SNRK: variants seen among roughly 807,000 people sequenced by gnomAD.
SNRK encodes the protein SNF related kinase.
SNRK carries 3 observed loss-of-function variants against 48.2 expected under a neutral mutation model. The observed-to-expected ratio is 0.06, with a 90% CI of 0.03 to 0.16. The LOEUF (loss-of-function observed/expected upper bound fraction) is 0.16. Among genes scored for constraint, SNRK ranks in the 10% least tolerant of loss-of-function variants. The pLI is 1.00. For synonymous variants in SNRK, 376 were observed against 366.1 expected, an observed-to-expected ratio of 1.03 and a Z score of -0.31; for missense variants, 627 against 976.0, an observed-to-expected ratio of 0.64 and a Z score of 4.76.
At position 43,332,269 on chromosome 3, in the gene SNRK, C is replaced by T; in HGVS notation, c.690C>T (p.Cys230=). ...AAACACTGACAATGATCATGGATTG[C>T]AAATATACAGTACCATCCCATGTGT... The part of the protein sequence containing the change: ...DSETLTMIMD[C]KYTVPSHVSK... The change falls in exon 4 of 7, where the codon TGC becomes TGT. Residue 230 remains cysteine (C), a synonymous_variant. Coordinates refer to ENST00000296088, the MANE Select transcript of SNRK (RefSeq NM_017719.5). 1 of 1,597,066 alleles carries T rather than the reference C, an allele frequency of 6.3e-7. No homozygotes were observed. The highest frequency in any genetic ancestry group is 8.5e-7 in the Non-Finnish European group (1 of 1,171,878).
chr3:43,289,386 C>T (rs962996267), intron 1 of SNRK, among the ~76,000 whole-genome samples: 1 of 152,106 alleles, frequency 6.6e-6, no homozygotes, highest in Non-Finnish European at 1.5e-5. Context: ...TGCAACTGTT[C>T]TTTCCTTAAA....
chr3:43,323,610 G>A (rs887417162), intron 3 of SNRK, among the ~76,000 whole-genome samples: 16 of 152,016 alleles, frequency 1.1e-4, no homozygotes, highest in Non-Finnish European at 2.2e-4. Context: ...TCACTCCTAG[G>A]TATTTACCCA....
intron 3 of SNRK, among the ~76,000 whole-genome samples, chr3:43,316,648 C>T (rs773961901): frequency 3.3e-5 from 5 of 151,834 alleles, no homozygotes; most frequent in Non-Finnish European, 7.4e-5. Context: ...CCCTGCCTCC[C>T]ATTTTTAACC....
In SNRK at chr3:43,343,412, G is replaced by A. The variant is rs1452872989; in HGVS notation, c.1013G>A (p.Arg338Lys). 1 of 1,613,954 alleles carries A rather than the reference G, an allele frequency of 6.2e-7. No individual in the cohort carries two copies. Among genetic ancestry groups the A allele is most frequent in the African/African-American group, 1.3e-5 (1 of 74,864 alleles). Residue 338 changes from arginine (R) to lysine (K), a missense_variant, in exon 6 of 7, where the codon AGA becomes AAA. Arg to Lys is a conservative substitution (Grantham distance 26). Around this residue, in one of 4 missense-constraint regions of SNRK, gnomAD observed 175 missense variants for 209.7 expected, o/e 0.83. Transcript: ENST00000296088. ...TYFLLAERILREKQEKEIQTR... is the reference protein window; with the variant it reads ...TYFLLAERILKEKQEKEIQTR... ...TTCCTGCTGGCTGAAAGGATCCTGAGAGAAAAGCAAGAGAAAGAAATACAG... is the reference window on the plus strand; with the variant it reads ...TTCCTGCTGGCTGAAAGGATCCTGAAAGAAAAGCAAGAGAAAGAAATACAG...
intron 1 of SNRK, among the ~76,000 whole-genome samples, chr3:43,296,777 G>A (rs1326412185): frequency 2.6e-5 from 4 of 152,168 alleles, no homozygotes; most frequent in African/African-American, 9.7e-5. Flanking sequence ...ATAACAGGGT[G>A]AATTCCAAAT....
chr3:43,344,686 G>C (rs550078395), intron 6 of SNRK, among the ~76,000 whole-genome samples: 1 of 152,092 alleles, frequency 6.6e-6, no homozygotes, highest in Non-Finnish European at 1.5e-5. Context: ...TAGGCACACT[G>C]TCTAGTGTCT....
At chr3:43,307,261 G>T (rs1230578856) in intron 3 of SNRK, among the ~76,000 whole-genome samples, 1 of 152,056 alleles carries the variant, frequency 6.6e-6, no homozygotes, top group Admixed American at 6.6e-5. Flanking sequence ...TTATCAATAC[G>T]AAAGTATACT....
intron 1 of SNRK, among the ~76,000 whole-genome samples, chr3:43,291,968 G>T (rs182095292): frequency 2.6e-5 from 4 of 152,170 alleles, no homozygotes; most frequent in Non-Finnish European, 4.4e-5. Flanking sequence ...TGTAAAATGG[G>T]TATCACTCTT....
At chr3:43,317,563 T>C (rs2091022881) in intron 3 of SNRK, among the ~76,000 whole-genome samples, 1 of 152,226 alleles carries the variant, frequency 6.6e-6, no homozygotes. Flanking sequence ...ATCCTCACTG[T>C]GGCCAACACA....
intron 1 of SNRK, among the ~76,000 whole-genome samples, chr3:43,296,429 T>TGTTTG (rs1379854717): frequency 1.7e-4 from 25 of 146,292 alleles, no homozygotes; most frequent in Non-Finnish European, 3.5e-4. Context: ...TATATATATA[T>TGTTTG]ATATGTATAT....
rs2090884949 is a variant in SNRK at position 43,299,744 on chromosome 3, T to C, written c.-168-10T>C. 1 of 152,674 alleles carries C rather than the reference T, an allele frequency of 6.5e-6. No homozygotes were observed. Among genetic ancestry groups the C allele is most frequent in the South Asian group, 2.1e-4 (1 of 4,832 alleles). 9.5% of individuals were successfully genotyped at this position (152,674 alleles called of 1,614,324 possible). Reference sequence around the variant, plus strand: ...ACTAAACCTGTATCTTTTTCTTTATTTTCTTTTAGGAAAAAGAAGCAACTA... The same window carrying C: ...ACTAAACCTGTATCTTTTTCTTTATCTTCTTTTAGGAAAAAGAAGCAACTA... On this transcript the variant is annotated splice_polypyrimidine_tract_variant and intron_variant, in intron 1 of 6. Coordinates refer to ENST00000296088, the MANE Select transcript of SNRK (RefSeq NM_017719.5).
At chr3:43,344,351 C>A (rs937363868) in intron 6 of SNRK, among the ~76,000 whole-genome samples, 6 of 152,108 alleles carry the variant, frequency 3.9e-5, no homozygotes, top group African/African-American at 1.4e-4. Context: ...TAAAGTAACC[C>A]ATGGAACTGT....
At chr3:43,340,558 T>A (rs996409602) in intron 5 of SNRK, 59 bp downstream of exon 5, 1 of 1,463,670 alleles carries the variant, frequency 6.8e-7, no homozygotes, top group Non-Finnish European at 9.5e-7. Context: ...GAATGGGCTC[T>A]CTCTACTTAA....
chr3:43,321,027 A>G (rs1263540312), intron 3 of SNRK, among the ~76,000 whole-genome samples: 5 of 149,734 alleles, frequency 3.3e-5, no homozygotes, highest in Non-Finnish European at 7.4e-5. Context: ...TTGGTTTTAG[A>G]TTAGTTCTAG....
intron 1 of SNRK, among the ~76,000 whole-genome samples, chr3:43,294,383 T>G (rs2090836172): frequency 6.6e-6 from 1 of 152,202 alleles, no homozygotes; most frequent in Non-Finnish European, 1.5e-5. Flanking sequence ...CCTATACATA[T>G]ATGCTAAAGG....
At chr3:43,322,744 A>G (rs757410871) in intron 3 of SNRK, among the ~76,000 whole-genome samples, 8 of 152,004 alleles carry the variant, frequency 5.3e-5, no homozygotes, top group Non-Finnish European at 1.2e-4. Context: ...TGAGGTCAGG[A>G]GATCGAGACC....
intron 3 of SNRK, among the ~76,000 whole-genome samples, chr3:43,319,069 A>C (rs1260464260): frequency 6.6e-6 from 1 of 151,054 alleles, no homozygotes; most frequent in Non-Finnish European, 1.5e-5. Context: ...GTTTATATGC[A>C]GGCTGCTATG....
rs1360001693 is a variant in SNRK, at chr3:43,303,196, G to T, written c.-8G>T. On this transcript the variant is annotated 5_prime_UTR_variant, in exon 3 of 7. It introduces an in-frame stop codon into an upstream open reading frame of the 5' UTR. Transcript: ENST00000296088. The surrounding 1 kb of genome is among the most constrained non-coding windows in gnomAD (Gnocchi z 6.2). ...CAGTCTAAATATTTTTTCTTCTGTT[G>T]GACCAGCATGGCAGGATTTAAGCGA... The T allele has an allele frequency of 6.3e-7, 1 of 1,595,676 alleles. No homozygotes were observed. Among genetic ancestry groups the T allele is most frequent in the Admixed American group, 1.7e-5 (1 of 58,064 alleles).
chr3:43,308,762 A>C (rs1231275787), intron 3 of SNRK, among the ~76,000 whole-genome samples: 2 of 152,238 alleles, frequency 1.3e-5, no homozygotes, highest in Non-Finnish European at 2.9e-5. Flanking sequence ...TCCATTCTGC[A>C]GCCCGTGGAT....
Sources: allele counts gnomAD v4.1 joint callset (sites outside exome capture counted in the v4.1 genomes callset), GRCh38; gene constraint gnomAD v4.1.1; regional missense constraint gnomAD v4.1.1; non-coding constraint Gnocchi (gnomAD v3.1); transcripts MANE v1.5; gene names NCBI Gene and HGNC (gene_info 2026-07-23, HGNC 2026-07-21).